The following TEAD1 variants were observed in gnomAD, a reference collection of about 807,000 sequenced individuals.
TEAD1 encodes TEA domain transcription factor 1, also known as transcriptional enhancer factor TEF-1.
A neutral mutation model predicts 54.9 loss-of-function variants in TEAD1; 9 were observed. The ratio of observed to expected loss-of-function variants is 0.16; its 90% CI spans 0.10 to 0.29. TEAD1 has a LOEUF of 0.29. TEAD1 is among the 10% of genes least tolerant of loss of function. The probability of loss-of-function intolerance (pLI) is 1.00; values close to 1 mark genes in which losing one functional copy is unlikely to be tolerated. For missense variants in TEAD1, 387 were observed against 535.9 expected (o/e 0.72, Z 2.74); for synonymous variants, 200 against 187.8 (o/e 1.07, Z -0.53).
chr11:12,712,005 T>A (rs1943948370), intron 2 of TEAD1, among the ~76,000 whole-genome samples: 1 of 152,210 alleles, frequency 6.6e-6, no homozygotes, highest in South Asian at 2.1e-4. Flanking sequence ...TCTTTCTTCA[T>A]GAAAGCTCCT....
intron 2 of TEAD1, among the ~76,000 whole-genome samples, chr11:12,743,890 C>T (rs550489189): frequency 5.3e-5 from 8 of 152,248 alleles, no homozygotes; most frequent in South Asian, 4.1e-4. Flanking sequence ...TGGGACACTA[C>T]GAAGGGGACA....
chr11:12,890,689 T>G lies in TEAD1; in HGVS notation c.699+7564T>G, dbSNP rs971900815. Among the ~76,000 whole-genome samples, 2 of 152,236 alleles carry G rather than the reference T, an allele frequency of 1.3e-5. 1 individual carries two copies. The highest frequency in any genetic ancestry group is 4.1e-4 in the South Asian group (2 of 4,828). ...GTGAAAGGAAATTGAGCCAGAGCTC[T>G]GGACAGGGATCAAGCTTGCGAGAAT... On this transcript the variant is annotated intron_variant, in intron 9 of 12. Transcript: ENST00000527636.
chr11:12,686,751 A>G (rs889900650), intron 2 of TEAD1, among the ~76,000 whole-genome samples: 1 of 152,208 alleles, frequency 6.6e-6, no homozygotes, highest in Non-Finnish European at 1.5e-5. Context: ...GGAATTTTAG[A>G]AATTTTAAAA....
chr11:12,878,952 A>T (rs1453457255), intron 5 of TEAD1: 1 of 1,260,630 alleles, frequency 7.9e-7, no homozygotes, highest in Non-Finnish European at 1.0e-6. Flanking sequence ...TGCTTGGCAG[A>T]CTTTTTTGGC....
chr11:12,788,591 G>GT (rs1218861182), intron 3 of TEAD1, among the ~76,000 whole-genome samples: 1 of 152,140 alleles, frequency 6.6e-6, no homozygotes, highest in Non-Finnish European at 1.5e-5. Flanking sequence ...AAAGTATAAT[G>GT]TACACATTCC....
At chr11:12,839,924 T>A (rs1946988445) in intron 3 of TEAD1, among the ~76,000 whole-genome samples, 1 of 151,740 alleles carries the variant, frequency 6.6e-6, no homozygotes, top group African/African-American at 2.4e-5. Context: ...AGATGGAAAG[T>A]AAGGAAAACA....
chr11:12,721,122 TG>T (rs1564918087), intron 2 of TEAD1, among the ~76,000 whole-genome samples: 3 of 152,230 alleles, frequency 2.0e-5, no homozygotes, highest in Non-Finnish European at 4.4e-5. Flanking sequence ...CCTGGTGTAT[TG>T]GACAAACCAT....
intron 5 of TEAD1, among the ~76,000 whole-genome samples, chr11:12,877,964 ATT>A (rs1156263667): frequency 3.0e-4 from 44 of 148,060 alleles, no homozygotes; most frequent in Admixed American, 6.0e-4. Flanking sequence ...CACCTGGCTA[ATT>A]TTTTTTTTTG....
chr11:12,841,476 A>T (rs1360599993), intron 3 of TEAD1, among the ~76,000 whole-genome samples: 1 of 151,960 alleles, frequency 6.6e-6, no homozygotes, highest in Admixed American at 6.6e-5. Flanking sequence ...TCCAAGGGAA[A>T]CTCAATGGGG....
chr11:12,825,790 TA>T (rs1946640757), intron 3 of TEAD1, among the ~76,000 whole-genome samples: 1 of 152,234 alleles, frequency 6.6e-6, no homozygotes, highest in Admixed American at 6.5e-5. Flanking sequence ...ATCAGTGTGT[TA>T]CTGGTGTAAG....
intron 3 of TEAD1, among the ~76,000 whole-genome samples, chr11:12,854,939 G>T (rs1394945025): frequency 6.6e-6 from 1 of 151,964 alleles, no homozygotes; most frequent in Non-Finnish European, 1.5e-5. Flanking sequence ...CATGTTTCTT[G>T]TGTTCCATCC....
chr11:12,882,859 C>T (rs1168245919), intron 8 of TEAD1, 142 bp from the exon 9 acceptor site: 5 of 1,244,624 alleles, frequency 4.0e-6, no homozygotes, highest in African/African-American at 3.0e-5. Flanking sequence ...CATCTGTCGT[C>T]TGAGTTATCC....
Position 12,838,200 on chromosome 11 carries a change from TC to T in TEAD1, c.203-24048del, listed in dbSNP as rs929309279. On this transcript the variant is annotated intron_variant, in intron 3 of 12. Coordinates refer to ENST00000527636, the MANE Select transcript of TEAD1 (RefSeq NM_021961.6). ...CTGGGTTCTGTGTTAATACGGGACT[TC>T]CTTTTGTGAAACTTGTAATACACTC... Among the ~76,000 whole-genome samples, 4 of 152,324 alleles carry T rather than the reference TC, an allele frequency of 2.6e-5. No homozygotes were observed. In the South Asian group the frequency reaches 6.2e-4, roughly 24 times the overall value.
chr11:12,774,462 A>G (rs1320024641), intron 3 of TEAD1, among the ~76,000 whole-genome samples: 1 of 152,166 alleles, frequency 6.6e-6, no homozygotes, highest in African/African-American at 2.4e-5. Flanking sequence ...ATAGAGTGTA[A>G]GTGGTGTCTA....
intron 2 of TEAD1, among the ~76,000 whole-genome samples, chr11:12,730,462 G>C (rs1347333454): frequency 8.0e-6 from 1 of 124,258 alleles, no homozygotes; most frequent in African/African-American, 3.1e-5. Context: ...ATTCCATTTG[G>C]CTCCAGTTTG....
chr11:12,928,164 A>G (rs921962097), intron 11 of TEAD1, among the ~76,000 whole-genome samples: 3 of 152,224 alleles, frequency 2.0e-5, no homozygotes, highest in African/African-American at 7.2e-5. Context: ...ATGAAACACC[A>G]TAGCATTTCT....
At chr11:12,853,550 T>C (rs1222122812) in intron 3 of TEAD1, among the ~76,000 whole-genome samples, 3 of 152,368 alleles carry the variant, frequency 2.0e-5, no homozygotes, top group African/African-American at 7.2e-5. Context: ...GGCGTATCTT[T>C]ATTGCCTCAT....
chr11:12,716,138 C>T (rs948679812), intron 2 of TEAD1, among the ~76,000 whole-genome samples: 10 of 151,974 alleles, frequency 6.6e-5, no homozygotes, highest in South Asian at 2.1e-4. Flanking sequence ...TGTCGGCTTC[C>T]GGCCGAGGGA....
chr11:12,880,491 C>G (rs139961296), intron 6 of TEAD1, among the ~76,000 whole-genome samples: 268 of 152,320 alleles, frequency 1.8e-3, no homozygotes, highest in African/African-American at 6.2e-3. Flanking sequence ...TCTTTCCCTC[C>G]TCTATGTCAT....
Sources: gnomAD v4.1 joint callset for allele counts (sites outside exome capture counted in the v4.1 genomes callset) on GRCh38, gnomAD v4.1.1 for gene constraint, MANE v1.5 for transcripts, NCBI Gene and HGNC (gene_info 2026-07-23, HGNC 2026-07-21) for gene names.